RYR2: variants seen among roughly 807,000 people sequenced by gnomAD.
RYR2 encodes the protein cardiac muscle ryanodine receptor-calcium release channel.
In RYR2, 227 loss-of-function variants were observed where a neutral mutation model predicts 601.1. The ratio of observed to expected loss-of-function variants is 0.38; its 90% CI spans 0.34 to 0.42. The LOEUF (loss-of-function observed/expected upper bound fraction) is 0.42. Ranked by LOEUF, RYR2 falls within the 10% of genes least tolerant of loss-of-function variation. The probability of loss-of-function intolerance (pLI) is 1.00; values close to 1 mark genes in which losing one functional copy is unlikely to be tolerated. For synonymous variants in RYR2, 2,223 were observed against 2,175.1 expected, an observed-to-expected ratio of 1.02 and a Z score of -0.61; for missense variants, 4,646 against 6,156.5, an observed-to-expected ratio of 0.75 and a Z score of 8.21.
intron 2 of RYR2, among the ~76,000 whole-genome samples, chr1:237,290,515 T>C (rs1692081012): frequency 6.6e-6 from 1 of 152,224 alleles, no homozygotes; most frequent in African/African-American, 2.4e-5. Flanking sequence ...TCATTGCATG[T>C]AAATTATGCC....
intron 1 of RYR2, among the ~76,000 whole-genome samples, chr1:237,059,459 G>C (rs1052629692): frequency 2.0e-5 from 3 of 152,080 alleles, no homozygotes; most frequent in African/African-American, 7.2e-5. Context: ...TAGCAGTACA[G>C]CTTCCAAGAA....
intron 25 of RYR2, among the ~76,000 whole-genome samples, chr1:237,538,656 G>A (rs2779370): frequency 0.69 from 105,227 of 151,488 alleles, 36,752 homozygotes; most frequent in Non-Finnish European, 0.74. Flanking sequence ...CTGTAATCCC[G>A]GCTACTTGGT....
chr1:237,125,007 C>T (rs1314180698), intron 1 of RYR2, among the ~76,000 whole-genome samples: 1 of 152,202 alleles, frequency 6.6e-6, no homozygotes, highest in African/African-American at 2.4e-5. Context: ...GTTTTGAAGG[C>T]TGAGACTGAG....
rs888718566 is a variant in RYR2, at chr1:237,247,965, G to A, written c.49-22532G>A. ...GCTTAAGGGTTTTCGCAGAATCTGA[G>A]TAGAAGTGATACAAAAATGATACAT... On this transcript the variant is annotated intron_variant, in intron 1 of 104. Transcript: ENST00000366574. Among the ~76,000 whole-genome samples the A allele has an allele frequency of 3.9e-5, 6 of 152,074 alleles. No homozygotes were observed. In the South Asian group the frequency reaches 8.3e-4, roughly 21 times the overall value.
At position 237,674,971 on chromosome 1, in the gene RYR2, T is replaced by C. The variant is rs1048988400; in HGVS notation, c.8830+125T>C. 15 of 482,244 alleles carry C rather than the reference T, an allele frequency of 3.1e-5. No homozygotes were observed. In the Admixed American group the frequency reaches 5.3e-4, roughly 17 times the overall value. The allele number at this position is 482,244 out of a possible 1,614,324, so 29.9% of individuals were successfully genotyped here. On this transcript the variant is annotated intron_variant, in intron 60 of 104. Coordinates refer to ENST00000366574, the MANE Select transcript of RYR2 (RefSeq NM_001035.3). ...ATGGTATAAACCCATCTATTCATCC[T>C]ACTACTAAGTAGAGTTCAACGGTCA...
intron 18 of RYR2, 84 bp from the exon 19 acceptor site, chr1:237,492,870 A>C: frequency 3.1e-6 from 4 of 1,279,952 alleles, no homozygotes; most frequent in Admixed American, 2.5e-5. Flanking sequence ...GAAGGAAGGA[A>C]GAAGGGAAGG....
At chr1:237,566,499 TATG>T in intron 27 of RYR2, 65 bp from the exon 28 acceptor site, 1 of 1,443,172 alleles carries the variant, frequency 6.9e-7, no homozygotes, top group Non-Finnish European at 9.5e-7. Context: ...TTCTTTTATT[TATG>T]ATATCTTTCC....
At chr1:237,240,539 A>G (rs1686034486) in intron 1 of RYR2, among the ~76,000 whole-genome samples, 2 of 152,088 alleles carry the variant, frequency 1.3e-5, no homozygotes, top group East Asian at 3.9e-4. Flanking sequence ...TTTCACAATG[A>G]TAAAATGAGC....
intron 95 of RYR2, 22 bp downstream of exon 95, chr1:237,794,019 A>T (rs376285561): frequency 8.8e-6 from 14 of 1,587,604 alleles, no homozygotes; most frequent in Middle Eastern, 3.4e-4. Flanking sequence ...ATTATATGAG[A>T]CTTTCTGCAC....
intron 1 of RYR2, among the ~76,000 whole-genome samples, chr1:237,242,472 G>T (rs1463474645): frequency 6.6e-6 from 1 of 152,050 alleles, no homozygotes; most frequent in African/African-American, 2.4e-5. Context: ...AAAGCAGAAA[G>T]ATGATTTTTT....
intron 1 of RYR2, among the ~76,000 whole-genome samples, chr1:237,227,449 GA>G (rs1275054738): frequency 2.0e-5 from 3 of 152,200 alleles, no homozygotes; most frequent in South Asian, 2.1e-4. Context: ...AAAATAGGAG[GA>G]GGGGTAGATT....
intron 1 of RYR2, among the ~76,000 whole-genome samples, chr1:237,105,933 G>C (rs953032675): frequency 6.6e-6 from 1 of 152,098 alleles, no homozygotes; most frequent in Admixed American, 6.6e-5. Context: ...AGATAGCAGG[G>C]GAGTTAGTTC....
chr1:237,308,562 C>T (rs1694140913), intron 2 of RYR2, among the ~76,000 whole-genome samples: 1 of 152,166 alleles, frequency 6.6e-6, no homozygotes, highest in Non-Finnish European at 1.5e-5. Context: ...TGTTACAGTT[C>T]TTAAAGGTGG....
At chr1:237,196,688 A>G (rs187910) in intron 1 of RYR2, among the ~76,000 whole-genome samples, 77,558 of 152,000 alleles carry the variant, frequency 0.51, 20,985 homozygotes, top group Non-Finnish European at 0.6. Context: ...TGGCTTTACA[A>G]TAAGTCTTGA....
chr1:237,083,688 T>C (rs2148414046), intron 1 of RYR2, among the ~76,000 whole-genome samples: 1 of 152,118 alleles, frequency 6.6e-6, no homozygotes, highest in East Asian at 1.9e-4. Flanking sequence ...CCTTTAACTG[T>C]GCTCCTCTAT....
intron 25 of RYR2, among the ~76,000 whole-genome samples, chr1:237,544,445 G>C (rs1669597339): frequency 6.6e-6 from 1 of 152,060 alleles, no homozygotes; most frequent in Admixed American, 6.6e-5. Flanking sequence ...ATAATAATAG[G>C]AGTTTTTCCC....
At chr1:237,167,703 AC>A (rs1407670990) in intron 1 of RYR2, among the ~76,000 whole-genome samples, 1 of 125,826 alleles carries the variant, frequency 7.9e-6, no homozygotes. Flanking sequence ...TGATTGATCC[AC>A]CTCCTTTTTT....
chr1:237,259,413 C>T (rs1462651194), intron 1 of RYR2, among the ~76,000 whole-genome samples: 1 of 151,686 alleles, frequency 6.6e-6, no homozygotes, highest in Non-Finnish European at 1.5e-5. Flanking sequence ...GAGGCTGAGA[C>T]AGGAGAATCG....
chr1:237,776,639 T>TTCTCTCTCTCTC (rs3835527), intron 87 of RYR2, among the ~76,000 whole-genome samples: 29 of 149,702 alleles, frequency 1.9e-4, no homozygotes, highest in African/African-American at 6.4e-4. Flanking sequence ...CTGAAGGTTC[T>TTCTCTCTCTCTC]TCTCTCTCTC....
Sources: allele counts gnomAD v4.1 joint callset (sites outside exome capture counted in the v4.1 genomes callset), GRCh38; gene constraint gnomAD v4.1.1; transcripts MANE v1.5; gene names NCBI Gene and HGNC (gene_info 2026-07-23, HGNC 2026-07-21).